FAM110B: variants seen among roughly 807,000 people sequenced by gnomAD.
The protein encoded by FAM110B is family with sequence similarity 110 member B, also known as protein FAM110B.
Under a neutral mutation model 20.4 loss-of-function variants are expected in FAM110B, and 6 were observed. The ratio of observed to expected loss-of-function variants is 0.29; its 90% CI spans 0.16 to 0.58. The LOEUF is 0.58. Ranked by LOEUF, FAM110B falls within the 20% of genes least tolerant of loss-of-function variation. The pLI is 0.90. For missense variants in FAM110B, 434 were observed against 498.2 expected, an observed-to-expected ratio of 0.87 and a Z score of 1.23; for synonymous variants, 226 against 214.1, an observed-to-expected ratio of 1.06 and a Z score of -0.49.
At chr8:58,035,178 A>G (rs1476789316) in intron 2 of FAM110B, among the ~76,000 whole-genome samples, 1 of 152,208 alleles carries the variant, frequency 6.6e-6, no homozygotes, top group African/African-American at 2.4e-5. Context: ...AGATAGTAGT[A>G]ATTATTTTGT....
intron 3 of FAM110B, among the ~76,000 whole-genome samples, chr8:58,134,851 C>G (rs1186940232): frequency 6.6e-6 from 1 of 152,144 alleles, no homozygotes; most frequent in Non-Finnish European, 1.5e-5. Flanking sequence ...AAGCTATTAA[C>G]AAGTAGCATG....
intron 1 of FAM110B, among the ~76,000 whole-genome samples, chr8:58,007,827 A>G (rs1804442396): frequency 6.6e-6 from 1 of 151,542 alleles, no homozygotes; most frequent in African/African-American, 2.4e-5. Context: ...TAGAAGCCCC[A>G]ATGGACTAAG....
At chr8:58,078,884 T>C (rs1434354626) in intron 3 of FAM110B, among the ~76,000 whole-genome samples, 1 of 152,178 alleles carries the variant, frequency 6.6e-6, no homozygotes, top group African/African-American at 2.4e-5. Context: ...GCGTGCTAGA[T>C]ACTTGAGAAA....
intron 3 of FAM110B, among the ~76,000 whole-genome samples, chr8:58,096,145 A>G (rs190339854): frequency 1.3e-5 from 2 of 152,244 alleles, no homozygotes; most frequent in African/African-American, 4.8e-5. Context: ...CTTGAACATG[A>G]CATGGGTCTC....
intron 3 of FAM110B, among the ~76,000 whole-genome samples, chr8:58,082,590 T>C (rs1806225997): frequency 6.6e-6 from 1 of 152,214 alleles, no homozygotes; most frequent in Non-Finnish European, 1.5e-5. Context: ...TGTCTCTCTC[T>C]AATAGACTAT....
rs115111402 is a variant in FAM110B at position 58,016,274 on chromosome 8, G to A, written c.-511-15332G>A. 1.7e-3 allele frequency among the ~76,000 whole-genome samples: 260 copies of A among 152,354 alleles called. 2 individuals carry two copies. Among genetic ancestry groups the A allele is most frequent in the African/African-American group, 6.0e-3 (251 of 41,592 alleles). On this transcript the variant is annotated intron_variant, in intron 1 of 3. Transcript: ENST00000519262. ...TATTATCTATTGTTGCATAACAAATGACGCCAAAACTTAGTGGCTCAAATA... is the reference window on the plus strand; with the variant it reads ...TATTATCTATTGTTGCATAACAAATAACGCCAAAACTTAGTGGCTCAAATA...
At chr8:58,143,397 A>G (rs1803784129) in intron 3 of FAM110B, among the ~76,000 whole-genome samples, 1 of 152,220 alleles carries the variant, frequency 6.6e-6, no homozygotes, top group Admixed American at 6.5e-5. Flanking sequence ...GTTGAAAATT[A>G]TTAGGGAAAT....
chr8:58,022,065 C>T (rs1483223503), intron 1 of FAM110B, among the ~76,000 whole-genome samples: 15 of 152,140 alleles, frequency 9.9e-5, no homozygotes, highest in Admixed American at 9.8e-4. Context: ...GTGCTAGTCT[C>T]TCTGAATCCT....
At chr8:58,099,351 A>T (rs1806719586) in intron 3 of FAM110B, among the ~76,000 whole-genome samples, 1 of 151,972 alleles carries the variant, frequency 6.6e-6, no homozygotes, top group South Asian at 2.1e-4. Flanking sequence ...CTATTCCAAA[A>T]TTTAAAAAAA....
chr8:58,017,788 G>A (rs767025255), intron 1 of FAM110B, among the ~76,000 whole-genome samples: 4 of 152,190 alleles, frequency 2.6e-5, no homozygotes, highest in Admixed American at 6.5e-5. Flanking sequence ...ATGTGAATGA[G>A]TAGCTGAAAG....
At chr8:58,078,998 G>A (rs78599286) in intron 3 of FAM110B, among the ~76,000 whole-genome samples, 7,524 of 151,968 alleles carry the variant, frequency 0.05, 619 homozygotes, top group African/African-American at 0.17. Flanking sequence ...TTTCCAACTC[G>A]GTGTTTCCTA....
chr8:58,096,067 C>T (rs2150606866), intron 3 of FAM110B, among the ~76,000 whole-genome samples: 1 of 152,242 alleles, frequency 6.6e-6, no homozygotes, highest in East Asian at 1.9e-4. Context: ...GCAACCCCTG[C>T]TTTTATTTGC....
chr8:57,997,197 G>A (rs1291174788), intron 1 of FAM110B, among the ~76,000 whole-genome samples: 1 of 152,140 alleles, frequency 6.6e-6, no homozygotes, highest in Admixed American at 6.5e-5. Context: ...GCATATGTAT[G>A]GTCTAGTAGA....
At chr8:58,131,454 A>G (rs1006574549) in intron 3 of FAM110B, among the ~76,000 whole-genome samples, 1 of 152,096 alleles carries the variant, frequency 6.6e-6, no homozygotes, top group African/African-American at 2.4e-5. Context: ...TGAAAAATAA[A>G]TATCCTCTCT....
intron 3 of FAM110B, among the ~76,000 whole-genome samples, chr8:58,114,968 G>A (rs1009417204): frequency 1.3e-5 from 2 of 151,678 alleles, no homozygotes; most frequent in Admixed American, 1.3e-4. Flanking sequence ...TAGAATTCCC[G>A]AGTGCTTTGG....
chr8:58,090,249 T>C (rs1806440378), intron 3 of FAM110B, among the ~76,000 whole-genome samples: 1 of 152,182 alleles, frequency 6.6e-6, no homozygotes, highest in Non-Finnish European at 1.5e-5. Context: ...AACCTCCGCC[T>C]CCCAGATTCA....
chr8:58,037,464 G>A (rs945232165), intron 2 of FAM110B, among the ~76,000 whole-genome samples: 2 of 150,052 alleles, frequency 1.3e-5, no homozygotes, highest in Non-Finnish European at 3.0e-5. Context: ...GTGAGACTCA[G>A]TCTCCACAAA....
Position 58,134,685 on chromosome 8 carries a change from CCA to C in FAM110B, c.-324-11219_-324-11218del, listed in dbSNP as rs539804495. Among the ~76,000 whole-genome samples, 22 of 152,318 alleles carry C rather than the reference CCA, an allele frequency of 1.4e-4. No homozygotes were observed. In the East Asian group the frequency reaches 4.0e-3, roughly 28 times the overall value. On this transcript the variant is annotated intron_variant, in intron 3 of 3. Coordinates refer to ENST00000519262, the MANE Select transcript of FAM110B (RefSeq NM_001377989.1). ...CTCTGTGCAGTAAGATAGAATGAAA[CCA>C]CAGTCTTATGTTACTGTTCTTTTTC...
At chr8:58,067,290 G>A (rs1805791729) in intron 2 of FAM110B, among the ~76,000 whole-genome samples, 1 of 152,188 alleles carries the variant, frequency 6.6e-6, no homozygotes, top group Admixed American at 6.5e-5. Context: ...TACAGCAAAT[G>A]TAAAAAGTAC....
Sources: gnomAD v4.1 joint callset for allele counts (sites outside exome capture counted in the v4.1 genomes callset) on GRCh38, gnomAD v4.1.1 for gene constraint, MANE v1.5 for transcripts, NCBI Gene and HGNC (gene_info 2026-07-23, HGNC 2026-07-21) for gene names.